The following SYN3 variants were observed in gnomAD, a reference collection of about 807,000 sequenced individuals.
SYN3 encodes synapsin III.
Under a neutral mutation model 65.8 loss-of-function variants are expected in SYN3, and 35 were observed. The observed-to-expected ratio is 0.53, with a 90% CI of 0.41 to 0.70. The LOEUF (loss-of-function observed/expected upper bound fraction) is 0.70. SYN3 is among the 30% of genes least tolerant of loss of function. SYN3 has a pLI of 0.00. For missense variants in SYN3, 680 were observed against 749.0 expected (o/e 0.91, Z 1.08); for synonymous variants, 270 against 292.9 (o/e 0.92, Z 0.80).
chr22:33,050,966 T>G (rs2054155857), intron 1 of SYN3, among the ~76,000 whole-genome samples: 1 of 152,184 alleles, frequency 6.6e-6, no homozygotes, highest in Non-Finnish European at 1.5e-5. Context: ...ATTCAAACAT[T>G]CTTTACCCAC....
At chr22:32,949,579 T>C (rs1265211933) in intron 3 of SYN3, among the ~76,000 whole-genome samples, 1 of 151,950 alleles carries the variant, frequency 6.6e-6, no homozygotes, top group African/African-American at 2.4e-5. Flanking sequence ...CACACAGGAA[T>C]AGAGATGGAA....
chr22:32,648,783 C>CA (rs1363061117), intron 6 of SYN3, among the ~76,000 whole-genome samples: 49 of 152,198 alleles, frequency 3.2e-4, no homozygotes, highest in African/African-American at 1.2e-3. Flanking sequence ...GCCTGGCTCA[C>CA]AGCAAACAAC....
intron 7 of SYN3, among the ~76,000 whole-genome samples, chr22:32,595,096 C>T (rs1037733995): frequency 1.3e-5 from 2 of 152,136 alleles, no homozygotes; most frequent in African/African-American, 4.8e-5. Context: ...CCCCCAGTGC[C>T]CCCTTTCCTG....
chr22:32,584,038 C>A (rs2058987514), intron 7 of SYN3: 1 of 152,174 alleles, frequency 6.6e-6, no homozygotes, highest in African/African-American at 2.4e-5. Flanking sequence ...TTTCCCTGTC[C>A]CATGACTTTA....
chr22:32,888,870 C>T (rs977126191), intron 4 of SYN3, among the ~76,000 whole-genome samples: 1 of 152,112 alleles, frequency 6.6e-6, no homozygotes, highest in East Asian at 1.9e-4. Context: ...AAAAACCCTT[C>T]TGGTCTCAAG....
Position 32,528,887 on chromosome 22 carries a change from G to T in SYN3, c.1217C>A (p.Pro406His), listed in dbSNP as rs757063467. The change falls in exon 11 of 14, where the codon CCC (proline) becomes CAC (histidine). Residue 406 changes from proline to histidine, a missense_variant. Transcript: ENST00000358763. ...LPMPGGTAPS[P>H]LRPWAPQIKS... is the part of the protein sequence containing the mutation. Reference sequence around the variant, plus strand: ...TGAGGGTCTTACCCAAGGTCTGAGGGGGGAGGGCGCTGTGCCTCCTGGCAT... The same window carrying T: ...TGAGGGTCTTACCCAAGGTCTGAGGTGGGAGGGCGCTGTGCCTCCTGGCAT... The T allele has an allele frequency of 1.9e-6, 3 of 1,614,120 alleles. No homozygotes were observed. The highest frequency in any genetic ancestry group is 2.5e-6 in the Non-Finnish European group (3 of 1,180,022).
At chr22:32,922,708 A>G (rs1200834495) in intron 4 of SYN3, among the ~76,000 whole-genome samples, 1 of 152,136 alleles carries the variant, frequency 6.6e-6, no homozygotes, top group Non-Finnish European at 1.5e-5. Context: ...TGGTCCCAGC[A>G]GAAAACATGT....
chr22:32,685,825 A>C (rs1281517777), intron 6 of SYN3, among the ~76,000 whole-genome samples: 2 of 152,252 alleles, frequency 1.3e-5, no homozygotes, highest in Non-Finnish European at 2.9e-5. Context: ...ATCAGAGTTG[A>C]GATGTATCTA....
At chr22:33,013,865 T>C (rs2053407436) in intron 1 of SYN3, among the ~76,000 whole-genome samples, 1 of 152,138 alleles carries the variant, frequency 6.6e-6, no homozygotes, top group South Asian at 2.1e-4. Flanking sequence ...ATAATGTTCT[T>C]CAAGTTCATC....
chr22:32,892,729 T>C (rs868312878), intron 4 of SYN3, among the ~76,000 whole-genome samples: 6 of 152,300 alleles, frequency 3.9e-5, no homozygotes, highest in Middle Eastern at 3.4e-3. Context: ...CCATCTCCAG[T>C]CTTCTGCTGT....
intron 3 of SYN3, among the ~76,000 whole-genome samples, chr22:32,944,662 C>A (rs979122811): frequency 6.6e-6 from 1 of 152,224 alleles, no homozygotes; most frequent in Non-Finnish European, 1.5e-5. Flanking sequence ...CTCACCACTC[C>A]TATTCAACAC....
intron 6 of SYN3, among the ~76,000 whole-genome samples, chr22:32,636,414 A>G (rs541936108): frequency 3.3e-4 from 49 of 148,554 alleles, no homozygotes; most frequent in East Asian, 2.1e-3. Context: ...AAAAAAAAAA[A>G]AAAAGAAAAG....
chr22:32,774,844 G>A (rs2045870571), intron 6 of SYN3, among the ~76,000 whole-genome samples: 1 of 152,174 alleles, frequency 6.6e-6, no homozygotes, highest in South Asian at 2.1e-4. Flanking sequence ...ACCCGCCTCG[G>A]CCTCCCAGCT....
intron 1 of SYN3, among the ~76,000 whole-genome samples, chr22:33,021,245 T>G (rs1264725415): frequency 6.6e-6 from 1 of 152,228 alleles, no homozygotes; most frequent in East Asian, 1.9e-4. Flanking sequence ...CTGCCCTTCC[T>G]ACTTCACAGG....
chr22:32,890,671 C>T (rs767794553), intron 4 of SYN3, among the ~76,000 whole-genome samples: 2 of 152,024 alleles, frequency 1.3e-5, no homozygotes, highest in African/African-American at 2.4e-5. Flanking sequence ...TGAGCCACCG[C>T]GCCCGGCCGA....
chr22:33,027,319 G>A (rs1337541340), intron 1 of SYN3, among the ~76,000 whole-genome samples: 7 of 152,014 alleles, frequency 4.6e-5, no homozygotes, highest in Non-Finnish European at 7.4e-5. Context: ...ACTTCAGGCC[G>A]GGCACGGTGA....
intron 7 of SYN3, among the ~76,000 whole-genome samples, chr22:32,587,933 T>C (rs536339113): frequency 3.3e-5 from 5 of 152,142 alleles, no homozygotes; most frequent in Non-Finnish European, 5.9e-5. Context: ...TCAGCCAGAC[T>C]GCCTGAGGGT....
At chr22:32,840,224 T>G (rs561947467) in intron 6 of SYN3, among the ~76,000 whole-genome samples, 2 of 152,304 alleles carry the variant, frequency 1.3e-5, no homozygotes, top group South Asian at 4.1e-4. Context: ...CAGGCATTCA[T>G]TTCTTGCCAA....
intron 3 of SYN3, among the ~76,000 whole-genome samples, chr22:32,958,910 C>T (rs79690463): frequency 0.014 from 2,158 of 152,122 alleles, 62 homozygotes; most frequent in African/African-American, 0.048. Context: ...AATTACTTCT[C>T]GGAGGGGCAC....
Sources: gnomAD v4.1 joint callset for allele counts (sites outside exome capture counted in the v4.1 genomes callset) on GRCh38, gnomAD v4.1.1 for gene constraint, MANE v1.5 for transcripts, NCBI Gene and HGNC (gene_info 2026-07-23, HGNC 2026-07-21) for gene names.